The following NAALADL2 variants were observed in gnomAD, a reference collection of about 807,000 sequenced individuals.
NAALADL2 encodes the protein N-acetylated alpha-linked acidic dipeptidase like 2.
Under a neutral mutation model 87.2 loss-of-function variants are expected in NAALADL2, and 76 were observed. The observed-to-expected ratio is 0.87, with a 90% CI of 0.72 to 1.05. The LOEUF is 1.05. Ranked by LOEUF, NAALADL2 falls within the 50% of genes least tolerant of loss-of-function variation. The probability of loss-of-function intolerance (pLI) is 0.00; values close to 1 mark genes in which losing one functional copy is unlikely to be tolerated. For synonymous variants in NAALADL2, 354 were observed against 331.0 expected (o/e 1.07, Z -0.75); for missense variants, 1,089 against 945.8 (o/e 1.15, Z -1.99).
chr3:174,996,293 C>T (rs1039317612), intron 1 of NAALADL2, among the ~76,000 whole-genome samples: 3 of 151,724 alleles, frequency 2.0e-5, no homozygotes, highest in East Asian at 1.9e-4. Flanking sequence ...GTCAGGAGAT[C>T]GAGACCATCC....
intron 4 of NAALADL2, among the ~76,000 whole-genome samples, chr3:175,288,145 A>G (rs111238545): frequency 0.058 from 8,814 of 152,108 alleles, 781 homozygotes; most frequent in African/African-American, 0.19. Context: ...GTAATGGCGC[A>G]ATCTCAGCTC....
At chr3:175,464,712 C>T (rs920284242) in intron 7 of NAALADL2, among the ~76,000 whole-genome samples, 30 of 152,282 alleles carry the variant, frequency 2.0e-4, no homozygotes, top group African/African-American at 6.5e-4. Flanking sequence ...CTCCCAGTTT[C>T]TTGCTGGCCA....
intron 1 of NAALADL2, among the ~76,000 whole-genome samples, chr3:174,897,640 G>A (rs991886570): frequency 4.6e-5 from 7 of 152,108 alleles, no homozygotes; most frequent in Non-Finnish European, 1.0e-4. Context: ...TATAGTTACC[G>A]TATGATCTGG....
At chr3:175,730,555 A>G (rs910832712) in intron 11 of NAALADL2, among the ~76,000 whole-genome samples, 2 of 149,402 alleles carry the variant, frequency 1.3e-5, no homozygotes, top group Admixed American at 6.7e-5. Context: ...TATTCTTAAC[A>G]TTCTAGAATA....
Position 175,300,787 on chromosome 3 carries a change from ATTTT to A in NAALADL2, c.940-23387_940-23384del, listed in dbSNP as rs1346336718. Among the ~76,000 whole-genome samples, 352 of 113,228 alleles carry A rather than the reference ATTTT, an allele frequency of 3.1e-3. 1 individual carries two copies. Among genetic ancestry groups the A allele is most frequent in the African/African-American group, 0.012 (341 of 28,426 alleles). The allele number at this position is 113,228 out of a possible 152,430, so 74.3% of individuals were successfully genotyped here. A position where few individuals can be genotyped will look rare whatever the true frequency, so the allele number is the denominator to read the frequency against. On this transcript the variant is annotated intron_variant, in intron 4 of 13. Transcript: ENST00000454872. ...TATTTATTTATTTATTTATTTATTT[ATTTT>A]ATTTTATTTTATTTATTTTGAGCTC... is the stretch of plus-strand genomic sequence containing the variant.
chr3:174,909,128 C>T (rs1733358536), intron 1 of NAALADL2, among the ~76,000 whole-genome samples: 1 of 152,080 alleles, frequency 6.6e-6, no homozygotes, highest in Admixed American at 6.6e-5. Flanking sequence ...GTGGCTCACA[C>T]CTGTAATCCC....
intron 1 of NAALADL2, among the ~76,000 whole-genome samples, chr3:174,959,312 A>G (rs946502080): frequency 6.6e-6 from 1 of 152,038 alleles, no homozygotes; most frequent in Admixed American, 6.6e-5. Flanking sequence ...GAAAATAGGA[A>G]TTGTTCATAC....
chr3:175,629,733 C>A (rs375233958), intron 11 of NAALADL2, among the ~76,000 whole-genome samples: 18 of 151,830 alleles, frequency 1.2e-4, no homozygotes, highest in East Asian at 7.7e-4. Flanking sequence ...ATTTCAACTC[C>A]TGAGAACATG....
chr3:175,361,926 T>A lies in NAALADL2; in HGVS notation c.1090+37601T>A, dbSNP rs200838545. Among the ~76,000 whole-genome samples, 779 of 147,942 alleles carry A rather than the reference T, an allele frequency of 5.3e-3. 32 individuals carry two copies. The highest frequency in any genetic ancestry group is 0.017 in the African/African-American group (704 of 40,848). ...GTTGCCATTGCTTTTGGTGTTTTAG[T>A]CATGAAGTCCTTGCCCATGCCTATG... is the stretch of plus-strand genomic sequence containing the variant. On this transcript the variant is annotated intron_variant, in intron 5 of 13. Transcript: ENST00000454872.
intron 1 of NAALADL2, among the ~76,000 whole-genome samples, chr3:175,027,612 C>A (rs990822403): frequency 1.3e-5 from 2 of 152,054 alleles, no homozygotes; most frequent in African/African-American, 4.8e-5. Flanking sequence ...TCCCCGAATT[C>A]TTTTATTTCA....
chr3:175,058,380 C>T (rs1447308862), intron 1 of NAALADL2, among the ~76,000 whole-genome samples: 1 of 152,024 alleles, frequency 6.6e-6, no homozygotes, highest in African/African-American at 2.4e-5. Flanking sequence ...CATAGCTAGG[C>T]CCTGGGCTCG....
intron 5 of NAALADL2, among the ~76,000 whole-genome samples, chr3:175,368,491 T>G (rs571009491): frequency 2.0e-5 from 3 of 152,074 alleles, no homozygotes; most frequent in Non-Finnish European, 2.9e-5. Context: ...GGTCCGAAAA[T>G]AGTTACATTT....
chr3:174,479,372 G>A (rs1286291251), intron 1 of NAALADL2, among the ~76,000 whole-genome samples: 1 of 152,102 alleles, frequency 6.6e-6, no homozygotes. Context: ...AGGGTTATAA[G>A]AGAACATCAT....
intron 10 of NAALADL2, among the ~76,000 whole-genome samples, chr3:175,601,693 C>T (rs1230520521): frequency 1.3e-5 from 2 of 152,120 alleles, no homozygotes; most frequent in Non-Finnish European, 1.5e-5. Flanking sequence ...GACATACACC[C>T]ACACAGTAGC....
At chr3:175,665,008 A>G (rs1264949108) in intron 11 of NAALADL2, among the ~76,000 whole-genome samples, 19 of 152,180 alleles carry the variant, frequency 1.2e-4, no homozygotes, top group Admixed American at 1.2e-3. Context: ...ACAAGTGTGT[A>G]TATGAACACT....
At chr3:175,696,689 C>T (rs146945343) in intron 11 of NAALADL2, among the ~76,000 whole-genome samples, 17 of 152,180 alleles carry the variant, frequency 1.1e-4, no homozygotes, top group Admixed American at 3.9e-4. Flanking sequence ...TTTAAGATGA[C>T]GACTTACTGT....
At chr3:175,692,649 G>A (rs749518968) in intron 11 of NAALADL2, among the ~76,000 whole-genome samples, 19 of 152,268 alleles carry the variant, frequency 1.2e-4, no homozygotes, top group African/African-American at 4.3e-4. Flanking sequence ...TTGTGGAATT[G>A]TACTGTGAAG....
chr3:175,681,615 TG>T (rs1225524920), intron 11 of NAALADL2, among the ~76,000 whole-genome samples: 6 of 152,226 alleles, frequency 3.9e-5, no homozygotes, highest in Admixed American at 1.3e-4. Flanking sequence ...TTGATATTTT[TG>T]TTCAAAATGG....
At chr3:174,466,778 C>T (rs1355530078) in intron 1 of NAALADL2, among the ~76,000 whole-genome samples, 4 of 152,078 alleles carry the variant, frequency 2.6e-5, no homozygotes, top group East Asian at 1.9e-4. Context: ...TAACAAACTT[C>T]GGGTTGGAGG....
Sources: gnomAD v4.1 joint callset for allele counts (sites outside exome capture counted in the v4.1 genomes callset) on GRCh38, gnomAD v4.1.1 for gene constraint, MANE v1.5 for transcripts, NCBI Gene and HGNC (gene_info 2026-07-23, HGNC 2026-07-21) for gene names.